The following PTPRG variants were observed in gnomAD, a reference collection of about 807,000 sequenced individuals.
PTPRG encodes receptor-type tyrosine-protein phosphatase gamma.
Under a neutral mutation model 165.3 loss-of-function variants are expected in PTPRG, and 102 were observed. The observed-to-expected ratio is 0.62, with a 90% confidence interval of 0.53 to 0.73. The LOEUF is 0.73. Among genes scored for constraint, PTPRG ranks in the 30% least tolerant of loss-of-function variants. The pLI is 0.00. For missense variants in PTPRG, 1,866 were observed against 1,861.4 expected (o/e 1.00, Z -0.05); for synonymous variants, 675 against 669.5 (o/e 1.01, Z -0.13).
intron 2 of PTPRG, among the ~76,000 whole-genome samples, chr3:61,784,748 C>T (rs935387355): frequency 1.3e-5 from 2 of 152,158 alleles, no homozygotes; most frequent in African/African-American, 2.4e-5. Flanking sequence ...GACCCATTTG[C>T]TCTCATTATG....
At chr3:61,919,854 C>G (rs1204580104) in intron 2 of PTPRG, among the ~76,000 whole-genome samples, 3 of 152,208 alleles carry the variant, frequency 2.0e-5, no homozygotes, top group Non-Finnish European at 4.4e-5. Context: ...GCTAAGAAGC[C>G]TGTCCTTACA....
rs900646612 is a variant in PTPRG, at chr3:61,732,285, C to T, written c.86-16593C>T. The stretch of plus-strand genomic sequence containing the variant: ...TGTTTCTTACTAAGCATTTGAAATC[C>T]TGTATTAGCAGGCCGGGCGCAGTGG... On this transcript the variant is annotated intron_variant, in intron 1 of 29. Transcript: ENST00000474889. 2.6e-5 allele frequency among the ~76,000 whole-genome samples: 4 copies of T among 152,096 alleles called. No individual in the cohort carries two copies. In the South Asian group the frequency reaches 8.3e-4, roughly 32 times the overall value.
chr3:62,008,740 T>C (rs1374989534), intron 4 of PTPRG, among the ~76,000 whole-genome samples: 1 of 152,208 alleles, frequency 6.6e-6, no homozygotes, highest in Non-Finnish European at 1.5e-5. Flanking sequence ...CAGGCATTAG[T>C]TGGATTCTCA....
At chr3:62,272,811 TG>T in intron 21 of PTPRG, 134 bp from the exon 22 acceptor site, 1 of 1,031,484 alleles carries the variant, frequency 9.7e-7, no homozygotes, top group Non-Finnish European at 1.3e-6. Flanking sequence ...CACTCCAGCC[TG>T]GGCAACAGAG....
chr3:62,160,969 G>A (rs1704737633), intron 7 of PTPRG, among the ~76,000 whole-genome samples: 1 of 147,830 alleles, frequency 6.8e-6, no homozygotes, highest in Admixed American at 7.0e-5. Context: ...AAACAGTAGA[G>A]CAGCTCTTTG....
At position 62,157,133 on chromosome 3, in the gene PTPRG, A is replaced by G. The variant is rs1326720096; in HGVS notation, c.749A>G (p.Tyr250Cys). 6.2e-7 allele frequency: 1 copy of G among 1,613,052 alleles called. No homozygotes were observed. The change falls in exon 7 of 30, where the codon TAT becomes TGT. Residue 250 changes from tyrosine to cysteine, a missense_variant. By Grantham distance (194) the Tyr-to-Cys change is radical. This residue lies in a region of PTPRG where 408 missense variants were observed against 376.2 expected (regional missense o/e 1.08). Coordinates refer to ENST00000474889, the MANE Select transcript of PTPRG (RefSeq NM_002841.4). The part of the protein sequence containing the change: ...DLLPASLGSY[Y>C]RYTGSLTTPP... ...CTGCCTGCATCCCTGGGCAGCTATT[A>G]TCGGTACACAGGTTCCTTGACCACA...
At chr3:62,230,140 G>A (rs977312158) in intron 13 of PTPRG, among the ~76,000 whole-genome samples, 5 of 152,142 alleles carry the variant, frequency 3.3e-5, no homozygotes, top group East Asian at 1.9e-4. Context: ...CCTTTTAATC[G>A]TATTTCCAAG....
chr3:62,108,832 T>A (rs551518106), intron 5 of PTPRG, among the ~76,000 whole-genome samples: 5 of 152,304 alleles, frequency 3.3e-5, no homozygotes, highest in African/African-American at 1.2e-4. Flanking sequence ...TGTTGGCTGC[T>A]TAAATGTCTT....
chr3:61,865,251 A>G (rs1380049280), intron 2 of PTPRG, among the ~76,000 whole-genome samples: 1 of 152,180 alleles, frequency 6.6e-6, no homozygotes, highest in Non-Finnish European at 1.5e-5. Context: ...CTAGCCACCC[A>G]TGCCAAACCC....
chr3:62,039,564 AACTT>A (rs1408529991), intron 4 of PTPRG, among the ~76,000 whole-genome samples: 1 of 152,206 alleles, frequency 6.6e-6, no homozygotes, highest in Admixed American at 6.5e-5. Flanking sequence ...CAGAAATATG[AACTT>A]CAGTTCTCAA....
chr3:62,262,688 G>A, intron 16 of PTPRG, 110 bp from the exon 17 acceptor site: 1 of 563,988 alleles, frequency 1.8e-6, no homozygotes, highest in South Asian at 3.9e-5. Flanking sequence ...GGATTGAGAA[G>A]GTAACGGTGG....
chr3:61,870,425 GC>G (rs2037533601), intron 2 of PTPRG, among the ~76,000 whole-genome samples: 1 of 132,008 alleles, frequency 7.6e-6, no homozygotes, highest in African/African-American at 3.0e-5. Context: ...CAATTCTCCT[GC>G]CTCAGCCTCC....
chr3:61,852,636 T>G (rs545713993), intron 2 of PTPRG, among the ~76,000 whole-genome samples: 1 of 152,172 alleles, frequency 6.6e-6, no homozygotes, highest in Non-Finnish European at 1.5e-5. Flanking sequence ...GAGTCTTTGG[T>G]TTAGAGGCAG....
At chr3:61,947,973 A>T (rs1245680451) in intron 2 of PTPRG, among the ~76,000 whole-genome samples, 2 of 152,294 alleles carry the variant, frequency 1.3e-5, no homozygotes, top group East Asian at 3.9e-4. Flanking sequence ...GGTCCTCAGA[A>T]TGAGAAGAAT....
At chr3:61,760,514 T>C (rs2033799802) in intron 2 of PTPRG, among the ~76,000 whole-genome samples, 1 of 152,208 alleles carries the variant, frequency 6.6e-6, no homozygotes, top group Non-Finnish European at 1.5e-5. Context: ...TTTCTGCTTA[T>C]CATGACTTGG....
rs754391309 is a variant in PTPRG, at chr3:62,136,195, TA to T, written c.682+3529del. ...ATTCTGTCCGTAGTTACTGAGTGCCTAATCTCAGTACACCATGAAGCTAGGC... is the reference window on the plus strand; with the variant it reads ...ATTCTGTCCGTAGTTACTGAGTGCCTATCTCAGTACACCATGAAGCTAGGC... On this transcript the variant is annotated intron_variant, in intron 6 of 29. Coordinates refer to ENST00000474889, the MANE Select transcript of PTPRG (RefSeq NM_002841.4). Among the ~76,000 whole-genome samples the T allele has an allele frequency of 1.5e-3, 229 of 152,258 alleles. 3 individuals are homozygous for T. Among genetic ancestry groups the T allele is most frequent in the Non-Finnish European group, 5.0e-4 (34 of 68,008 alleles).
chr3:61,857,556 C>T (rs1400496387), intron 2 of PTPRG, among the ~76,000 whole-genome samples: 11 of 152,052 alleles, frequency 7.2e-5, no homozygotes, highest in Admixed American at 4.6e-4. Flanking sequence ...GAGTGTGACT[C>T]GATAATTATT....
chr3:62,048,950 C>T (rs1303830302), intron 4 of PTPRG, among the ~76,000 whole-genome samples: 1 of 152,148 alleles, frequency 6.6e-6, no homozygotes, highest in African/African-American at 2.4e-5. Flanking sequence ...AAGTAGACTG[C>T]TGCCTGTTTC....
At chr3:61,742,859 G>C in intron 1 of PTPRG, 2 of 1,567,340 alleles carry the variant, frequency 1.3e-6, no homozygotes, top group South Asian at 1.1e-5. Flanking sequence ...ATGTCCATGT[G>C]GGGGATATCC....
Sources: gnomAD v4.1 joint callset for allele counts (sites outside exome capture counted in the v4.1 genomes callset) on GRCh38, gnomAD v4.1.1 for gene constraint, gnomAD v4.1.1 regional missense constraint, MANE v1.5 for transcripts, NCBI Gene and HGNC (gene_info 2026-07-23, HGNC 2026-07-21) for gene names.